The following SERP2 variants were observed in gnomAD, a reference collection of about 807,000 sequenced individuals.
SERP2 encodes the protein stress-associated endoplasmic reticulum protein 2.
In SERP2, 6 loss-of-function variants were observed where a neutral mutation model predicts 9.1. That is an observed-to-expected ratio of 0.66 (90% CI 0.36 to 1.30). SERP2 has a LOEUF of 1.30. Among genes scored for constraint, SERP2 ranks in the 50% most tolerant of loss-of-function variants. SERP2 has a pLI of 0.03. For synonymous variants in SERP2, 37 were observed against 27.3 expected (o/e 1.35, Z -1.10); for missense variants, 58 against 81.9 (o/e 0.71, Z 1.13).
intron 1 of SERP2, among the ~76,000 whole-genome samples, chr13:44,374,634 C>G (rs556801420): frequency 6.6e-6 from 1 of 152,222 alleles, no homozygotes; most frequent in Non-Finnish European, 1.5e-5. Context: ...CTCCACCTGT[C>G]TTCCCTCCCC....
At chr13:44,389,116 T>C (rs978135240) in intron 2 of SERP2, among the ~76,000 whole-genome samples, 1 of 152,202 alleles carries the variant, frequency 6.6e-6, no homozygotes, top group African/African-American at 2.4e-5. Flanking sequence ...AAATGTTAGG[T>C]GCTCTCTGAA....
chr13:44,381,238 CAAAAAAAA>C (rs58535681), intron 2 of SERP2, among the ~76,000 whole-genome samples: 4 of 46,010 alleles, frequency 8.7e-5, no homozygotes, highest in African/African-American at 2.8e-4. Context: ...AACTCCGTCT[CAAAAAAAA>C]AAAAAAAAAA....
In SERP2 at chr13:44,374,198, G is replaced by A; in HGVS notation, c.84+89G>A. ...GGGGCGGGGCCGGGCGGGTAGCGGC[G>A]CAGGGTCCGGCCTCCCGGCTCCCGG... On this transcript the variant is annotated intron_variant, in intron 1 of 2. Coordinates refer to ENST00000379179, the MANE Select transcript of SERP2 (RefSeq NM_001010897.3). 6 of 864,890 alleles carry A rather than the reference G, an allele frequency of 6.9e-6. No individual in the cohort carries two copies. In the South Asian group the frequency reaches 1.3e-4, roughly 19 times the overall value. 53.6% of individuals were successfully genotyped at this position (864,890 alleles called of 1,614,324 possible).
chr13:44,378,523 G>A (rs1182040610), intron 1 of SERP2, among the ~76,000 whole-genome samples: 2 of 152,160 alleles, frequency 1.3e-5, no homozygotes, highest in Non-Finnish European at 2.9e-5. Context: ...GGTTTTATGA[G>A]ATCAACCACA....
chr13:44,383,220 C>T lies in SERP2; in HGVS notation c.157+3507C>T, dbSNP rs185044128. On this transcript the variant is annotated intron_variant, in intron 2 of 2. Transcript: ENST00000379179. The stretch of plus-strand genomic sequence containing the variant: ...AGTAGATAAAGATATATATAGGCTT[C>T]AAGATACACAGTAACTGTGGCCTTC... Among the ~76,000 whole-genome samples, 283 of 152,288 alleles carry T rather than the reference C, an allele frequency of 1.9e-3. 1 individual carries two copies. The highest frequency in any genetic ancestry group is 3.8e-3 in the Non-Finnish European group (259 of 68,026).
chr13:44,384,713 C>A (rs1160339631), intron 2 of SERP2, among the ~76,000 whole-genome samples: 1 of 152,184 alleles, frequency 6.6e-6, no homozygotes, highest in Non-Finnish European at 1.5e-5. Context: ...TCCATTTCAC[C>A]AAGTTCCAGT....
At chr13:44,375,520 G>GA (rs1011985531) in intron 1 of SERP2, among the ~76,000 whole-genome samples, 27 of 150,658 alleles carry the variant, frequency 1.8e-4, no homozygotes, top group Admixed American at 5.3e-4. Context: ...TTTTACTGAG[G>GA]AAAAAAAAAT....
chr13:44,383,918 G>A (rs529627700), intron 2 of SERP2, among the ~76,000 whole-genome samples: 9 of 152,146 alleles, frequency 5.9e-5, no homozygotes, highest in Non-Finnish European at 8.8e-5. Flanking sequence ...CTTTTATGGA[G>A]AGGTTAGACA....
At chr13:44,395,374 G>A (rs1873029144) in intron 2 of SERP2, among the ~76,000 whole-genome samples, 2 of 151,692 alleles carry the variant, frequency 1.3e-5, no homozygotes, top group Non-Finnish European at 2.9e-5. Flanking sequence ...GGAGGCTGAG[G>A]TGGGTGGATC....
intron 1 of SERP2, among the ~76,000 whole-genome samples, chr13:44,376,784 A>AG (rs1871679388): frequency 6.6e-6 from 1 of 152,056 alleles, no homozygotes. Context: ...AAAAAAAAAA[A>AG]GGAAACAGAG....
intron 2 of SERP2, among the ~76,000 whole-genome samples, chr13:44,384,797 A>C (rs978746828): frequency 2.0e-5 from 3 of 152,182 alleles, no homozygotes; most frequent in Non-Finnish European, 4.4e-5. Flanking sequence ...GTTTTTATAT[A>C]GATGCTAAGG....
chr13:44,380,473 C>T (rs946458354), intron 2 of SERP2, among the ~76,000 whole-genome samples: 5 of 152,128 alleles, frequency 3.3e-5, no homozygotes, highest in Admixed American at 6.5e-5. Context: ...CCCAGCAAGA[C>T]AGCCTCTGCC....
At chr13:44,388,720 A>G (rs531702647) in intron 2 of SERP2, among the ~76,000 whole-genome samples, 1 of 152,276 alleles carries the variant, frequency 6.6e-6, no homozygotes, top group South Asian at 2.1e-4. Flanking sequence ...GTCCTTTTTC[A>G]GGACAGCCTT....
At chr13:44,381,479 T>C (rs975831937) in intron 2 of SERP2, among the ~76,000 whole-genome samples, 1 of 152,184 alleles carries the variant, frequency 6.6e-6, no homozygotes, top group Non-Finnish European at 1.5e-5. Flanking sequence ...GAGGTGGAGC[T>C]TGCAGTGAGC....
rs952054903 is a variant in SERP2 at position 44,379,888 on chromosome 13, A to G, written c.157+175A>G. Among the ~76,000 whole-genome samples, 6 of 152,246 alleles carry G rather than the reference A, an allele frequency of 3.9e-5. No individual in the cohort carries two copies. In the South Asian group the frequency reaches 1.2e-3, roughly 32 times the overall value. On this transcript the variant is annotated intron_variant, in intron 2 of 2. Coordinates refer to ENST00000379179, the MANE Select transcript of SERP2 (RefSeq NM_001010897.3). ...TTTAGTTTCTATTCCAAATATAGGT[A>G]GAGACACAATTAATACACTATCAAA... is the stretch of plus-strand genomic sequence containing the variant.
intron 1 of SERP2, among the ~76,000 whole-genome samples, 194 bp downstream of exon 1, chr13:44,374,303 G>C (rs1487171618): frequency 6.6e-6 from 1 of 152,156 alleles, no homozygotes; most frequent in Non-Finnish European, 1.5e-5. Context: ...GCGTCCTCGT[G>C]GGCGGAGAGG....
At chr13:44,394,658 T>G (rs1300891662) in intron 2 of SERP2, among the ~76,000 whole-genome samples, 1 of 152,238 alleles carries the variant, frequency 6.6e-6, no homozygotes, top group Non-Finnish European at 1.5e-5. Flanking sequence ...TCGTATTTAT[T>G]CCTTGCCATC....
chr13:44,390,992 G>A (rs1872719040), intron 2 of SERP2: 1 of 152,146 alleles, frequency 6.6e-6, no homozygotes, highest in Non-Finnish European at 1.5e-5. Flanking sequence ...TTCTCCTAAA[G>A]GATATTCTTC....
intron 2 of SERP2, among the ~76,000 whole-genome samples, chr13:44,385,719 T>C (rs1466582126): frequency 6.6e-6 from 1 of 152,172 alleles, no homozygotes; most frequent in African/African-American, 2.4e-5. Context: ...TGAATGACCT[T>C]GGACAAGGTA....
Sources: gnomAD v4.1 joint callset for allele counts (sites outside exome capture counted in the v4.1 genomes callset) on GRCh38, gnomAD v4.1.1 for gene constraint, MANE v1.5 for transcripts, NCBI Gene and HGNC (gene_info 2026-07-23, HGNC 2026-07-21) for gene names.